Variants in POLR1A observed in about 807,000 individuals in gnomAD.
POLR1A encodes DNA-directed RNA polymerase I subunit RPA1.
POLR1A carries 84 observed loss-of-function variants against 205.3 expected under a neutral mutation model. The observed-to-expected ratio is 0.41, with a 90% CI of 0.34 to 0.49. The LOEUF is 0.49. Among genes scored for constraint, POLR1A ranks in the 20% least tolerant of loss-of-function variants. The pLI is 0.22. For synonymous variants in POLR1A, 799 were observed against 863.7 expected, an observed-to-expected ratio of 0.93 and a Z score of 1.31; for missense variants, 1,645 against 2,204.5, an observed-to-expected ratio of 0.75 and a Z score of 5.08.
At chr2:86,088,517 AC>A in intron 6 of POLR1A, 48 bp downstream of exon 6, 2 of 1,163,464 alleles carry the variant, frequency 1.7e-6, no homozygotes, top group Non-Finnish European at 2.6e-6. Flanking sequence ...GGTTTAGGAC[AC>A]ATCTGCTGGC....
chr2:86,105,751 C>G lies in POLR1A; in HGVS notation c.26G>C (p.Trp9Ser), dbSNP rs775676311. Residue 9 changes from tryptophan to serine, a missense_variant, in exon 1 of 34, where the codon TGG (tryptophan) becomes TCG (serine). Trp to Ser is a radical substitution (Grantham distance 177, BLOSUM62 -3). Around this residue, in one of 16 missense-constraint regions of POLR1A, gnomAD observed 330 missense variants for 375.6 expected, o/e 0.88. Coordinates refer to ENST00000263857, the MANE Select transcript of POLR1A (RefSeq NM_015425.6). MLISKNMP[W>S]RRLQGISFGM... ...GAAGGAAATGCCCTGCAGCCGCCGC[C>G]AGGGCATGTTCTTGGAGATCAACAT... 6.2e-7 allele frequency: 1 copy of G among 1,614,182 alleles called. No homozygotes were observed. The highest frequency in any genetic ancestry group is 8.5e-7 in the Non-Finnish European group (1 of 1,179,994).
Position 86,052,817 on chromosome 2 carries a change from C to G in POLR1A, c.2392G>C (p.Gly798Arg). 6.5e-7 allele frequency: 1 copy of G among 1,528,420 alleles called. No homozygotes were observed. Among genetic ancestry groups the G allele is most frequent in the South Asian group, 1.2e-5 (1 of 81,010 alleles). The allele number at this position is 1,528,420 out of a possible 1,614,324, so 94.7% of individuals were successfully genotyped here. Residue 798 changes from glycine (G) to arginine (R), a missense_variant and splice_region_variant, in exon 16 of 34, where the codon GGC (glycine) becomes CGC (arginine). Transcript: ENST00000263857. ...YLQLYRGFTLGVEDILVKPKA... is the reference protein window; with the variant it reads ...YLQLYRGFTLRVEDILVKPKA... Reference sequence around the variant, plus strand: ...CCAGGGCAGCGAGCCCGGCACTTACCCAAGGTGAAGCCTCTGTAGAGCTGC... The same window carrying G: ...CCAGGGCAGCGAGCCCGGCACTTACGCAAGGTGAAGCCTCTGTAGAGCTGC...
intron 12 of POLR1A, among the ~76,000 whole-genome samples, chr2:86,072,177 A>G (rs781710606): frequency 2.0e-5 from 3 of 152,234 alleles, no homozygotes; most frequent in Admixed American, 6.5e-5. Context: ...AGCAATCTTA[A>G]AAGTACCTAG....
At chr2:86,082,571 ACATGTT>A (rs1418574002) in intron 7 of POLR1A, among the ~76,000 whole-genome samples, 1 of 151,918 alleles carries the variant, frequency 6.6e-6, no homozygotes, top group Non-Finnish European at 1.5e-5. Flanking sequence ...CTCTTTAACA[ACATGTT>A]CATTTGTAAG....
intron 1 of POLR1A, among the ~76,000 whole-genome samples, chr2:86,102,765 C>A (rs886207966): frequency 6.6e-6 from 1 of 152,204 alleles, no homozygotes; most frequent in African/African-American, 2.4e-5. Context: ...AGAGTAGGGG[C>A]AACTAGCAAG....
At chr2:86,091,842 G>A (rs1355994751) in intron 3 of POLR1A, among the ~76,000 whole-genome samples, 5 of 152,066 alleles carry the variant, frequency 3.3e-5, no homozygotes, top group East Asian at 1.9e-4. Context: ...GGCCGGGCAC[G>A]GTGGCTCACA....
chr2:86,098,537 C>A, intron 3 of POLR1A, 74 bp downstream of exon 3: 4 of 1,466,278 alleles, frequency 2.7e-6, no homozygotes, highest in Admixed American at 2.0e-5. Context: ...GTAACTAGGA[C>A]AACATACAAG....
chr2:86,088,155 C>T (rs953058303), intron 6 of POLR1A, among the ~76,000 whole-genome samples: 1 of 152,006 alleles, frequency 6.6e-6, no homozygotes, highest in East Asian at 1.9e-4. Context: ...CTGCAGGAGG[C>T]GCTCATGTTT....
At chr2:86,061,273 G>A (rs1161294789) in intron 14 of POLR1A, among the ~76,000 whole-genome samples, 1 of 152,022 alleles carries the variant, frequency 6.6e-6, no homozygotes, top group African/African-American at 2.4e-5. Flanking sequence ...ATGGAAAAAC[G>A]CTGTCTCTAC....
intron 27 of POLR1A, among the ~76,000 whole-genome samples, chr2:86,036,675 C>T (rs913140086): frequency 2.0e-5 from 3 of 152,168 alleles, no homozygotes; most frequent in African/African-American, 4.8e-5. Context: ...GAGTCCAGAC[C>T]GCACCCAGCT....
chr2:86,089,938 C>T lies in POLR1A; in HGVS notation c.433-9G>A. The T allele has an allele frequency of 3.5e-6, 5 of 1,439,914 alleles. No individual in the cohort carries two copies. The highest frequency in any genetic ancestry group is 9.8e-7 in the Non-Finnish European group (1 of 1,019,920). The allele number at this position is 1,439,914 out of a possible 1,614,324, so 89.2% of individuals were successfully genotyped here. ...GGATTTTCTTCCAGAAACTGGAAAA[C>T]AAAGAGGAAAACTCCATTATCACAG... is the stretch of plus-strand genomic sequence containing the variant. On this transcript the variant is annotated splice_polypyrimidine_tract_variant and intron_variant, in intron 3 of 33. Coordinates refer to ENST00000263857, the MANE Select transcript of POLR1A (RefSeq NM_015425.6).
At chr2:86,095,460 A>G (rs1573836228) in intron 3 of POLR1A, among the ~76,000 whole-genome samples, 1 of 152,252 alleles carries the variant, frequency 6.6e-6, no homozygotes, top group Admixed American at 6.5e-5. Flanking sequence ...AATTGATGAG[A>G]CAATTTTGCC....
chr2:86,027,024 T>A lies in POLR1A; in HGVS notation c.*399A>T, dbSNP rs1672272619. The A allele has an allele frequency of 1.0e-5, 2 of 200,866 alleles. No individual in the cohort carries two copies. Among genetic ancestry groups the A allele is most frequent in the Non-Finnish European group, 2.1e-5 (2 of 96,314 alleles). The allele number at this position is 200,866 out of a possible 1,614,324, so 12.4% of individuals were successfully genotyped here. ...CAGCAAAAGAACCCCGCTTCCCTAC[T>A]CTGGAGGTGCCTGGGGTCCCCAGCA... On this transcript the variant is annotated 3_prime_UTR_variant, in exon 34 of 34. Transcript: ENST00000263857.
intron 31 of POLR1A, among the ~76,000 whole-genome samples, chr2:86,029,248 G>A (rs79632523): frequency 0.012 from 1,817 of 152,318 alleles, 45 homozygotes; most frequent in African/African-American, 0.042. Flanking sequence ...TTTGGTAAAA[G>A]GGTTCAGGGG....
chr2:86,065,149 A>C, intron 14 of POLR1A, 125 bp downstream of exon 14: 1 of 898,818 alleles, frequency 1.1e-6, no homozygotes, highest in East Asian at 2.5e-5. Flanking sequence ...AGGGGAAAGA[A>C]AGTCAGACTA....
intron 3 of POLR1A, among the ~76,000 whole-genome samples, chr2:86,093,687 G>A (rs762269803): frequency 2.6e-5 from 4 of 152,116 alleles, no homozygotes; most frequent in African/African-American, 7.2e-5. Flanking sequence ...AAAATTAGCC[G>A]GGTGTGGTGG....
chr2:86,078,583 C>G (rs114573953), intron 9 of POLR1A, among the ~76,000 whole-genome samples: 3,784 of 152,266 alleles, frequency 0.025, 142 homozygotes, highest in African/African-American at 0.083. Context: ...CCTTAATATG[C>G]AATTCCTAAA....
intron 3 of POLR1A, among the ~76,000 whole-genome samples, chr2:86,097,781 G>A (rs971484322): frequency 6.6e-6 from 1 of 152,070 alleles, no homozygotes. Flanking sequence ...TGTTAAAGGA[G>A]ATAAAATTAC....
intron 31 of POLR1A, 84 bp downstream of exon 31, chr2:86,030,112 G>T: frequency 8.9e-7 from 1 of 1,128,866 alleles, no homozygotes; most frequent in Non-Finnish European, 1.3e-6. Context: ...ATCGCGTAGA[G>T]CGAGCCTCCC....
Sources: allele counts gnomAD v4.1 joint callset (sites outside exome capture counted in the v4.1 genomes callset), GRCh38; gene constraint gnomAD v4.1.1; regional missense constraint gnomAD v4.1.1; transcripts MANE v1.5; gene names NCBI Gene and HGNC (gene_info 2026-07-23, HGNC 2026-07-21).